The following CNTNAP2 variants were observed in gnomAD, a reference collection of about 807,000 sequenced individuals.
CNTNAP2 encodes contactin-associated protein-like 2.
CNTNAP2 carries 98 observed loss-of-function variants against 155.2 expected under a neutral mutation model. The observed-to-expected ratio is 0.63, with a 90% CI of 0.54 to 0.75. CNTNAP2 has a LOEUF of 0.75. Ranked by LOEUF, CNTNAP2 falls within the 30% of genes least tolerant of loss-of-function variation. The pLI is 0.00. For missense variants in CNTNAP2, 1,727 were observed against 1,688.1 expected, an observed-to-expected ratio of 1.02 and a Z score of -0.40; for synonymous variants, 651 against 631.2, an observed-to-expected ratio of 1.03 and a Z score of -0.47.
At chr7:147,325,953 T>C (rs773645309) in intron 9 of CNTNAP2, among the ~76,000 whole-genome samples, 12 of 152,156 alleles carry the variant, frequency 7.9e-5, no homozygotes, top group Non-Finnish European at 1.6e-4. Flanking sequence ...GACAGAGTCT[T>C]GCTCTGTAGC....
chr7:147,357,490 A>C (rs1029661456), intron 9 of CNTNAP2, among the ~76,000 whole-genome samples: 2 of 152,124 alleles, frequency 1.3e-5, no homozygotes, highest in African/African-American at 2.4e-5. Flanking sequence ...TCCTACATGC[A>C]GCAGCAGTCG....
chr7:146,934,437 G>C (rs1203299288), intron 3 of CNTNAP2, among the ~76,000 whole-genome samples: 2 of 124,248 alleles, frequency 1.6e-5, no homozygotes, highest in Admixed American at 2.0e-4. Context: ...TCCGTGGCCT[G>C]TTGTGGGGTG....
intron 12 of CNTNAP2, among the ~76,000 whole-genome samples, chr7:147,617,055 TCC>T (rs1801307163): frequency 2.0e-5 from 3 of 152,156 alleles, no homozygotes; most frequent in Non-Finnish European, 4.4e-5. Context: ...CTCATCCAGA[TCC>T]TTTATTTCCA....
At chr7:147,151,854 T>G (rs1479348529) in intron 8 of CNTNAP2, among the ~76,000 whole-genome samples, 3 of 152,290 alleles carry the variant, frequency 2.0e-5, no homozygotes, top group African/African-American at 7.2e-5. Context: ...AGCACAGAGC[T>G]GGGAAGAGCA....
chr7:146,971,675 C>T (rs552043335), intron 3 of CNTNAP2, among the ~76,000 whole-genome samples: 1 of 152,050 alleles, frequency 6.6e-6, no homozygotes, highest in Non-Finnish European at 1.5e-5. Context: ...CCTGTTGCAT[C>T]CTCATATGGG....
Position 146,606,210 on chromosome 7 carries a change from T to A in CNTNAP2, c.98-168061T>A, listed in dbSNP as rs138062475. Among the ~76,000 whole-genome samples, 1,003 of 152,256 alleles carry A rather than the reference T, an allele frequency of 6.6e-3. 12 individuals are homozygous for A. The highest frequency in any genetic ancestry group is 8.6e-3 in the Non-Finnish European group (583 of 68,004). ...GTGAATGAGTGTGATATCAGAATAA[T>A]TAGAATGAGTCATATTATAAATCCT... On this transcript the variant is annotated intron_variant, in intron 1 of 23. Coordinates refer to ENST00000361727, the MANE Select transcript of CNTNAP2 (RefSeq NM_014141.6).
At chr7:147,737,297 C>A (rs1035567448) in intron 13 of CNTNAP2, among the ~76,000 whole-genome samples, 7 of 152,160 alleles carry the variant, frequency 4.6e-5, no homozygotes, top group African/African-American at 1.4e-4. Context: ...ACTCCAGACC[C>A]TGTTTGCCTG....
At chr7:146,227,354 C>T (rs2539740) in intron 1 of CNTNAP2, among the ~76,000 whole-genome samples, 102,805 of 149,272 alleles carry the variant, frequency 0.69, 36,427 homozygotes, top group East Asian at 0.94. Flanking sequence ...GAACCCAGGA[C>T]GTGGAGGCTG....
intron 8 of CNTNAP2, among the ~76,000 whole-genome samples, chr7:147,189,195 T>C (rs964462943): frequency 6.6e-6 from 1 of 152,148 alleles, no homozygotes; most frequent in Admixed American, 6.5e-5. Context: ...AATTAGAAAA[T>C]CTAAAGGACA....
rs1795665002 is a variant in CNTNAP2 at position 148,217,481 on chromosome 7, C to T, written c.3204C>T (p.Ser1068=). 6.2e-7 allele frequency: 1 copy of T among 1,614,086 alleles called. No individual in the cohort carries two copies. The highest frequency in any genetic ancestry group is 1.3e-5 in the African/African-American group (1 of 74,936). ...CGCCCTGCATTCTCCTCTACATCAG[C>T]TCCTTCACCACAGACTTCTTGGCAG... ...TKAPCILLYI[S]SFTTDFLAVL... The change falls in exon 19 of 24, where the codon AGC becomes AGT. Residue 1068 remains serine (S), a synonymous_variant. Transcript: ENST00000361727.
intron 1 of CNTNAP2, among the ~76,000 whole-genome samples, chr7:146,480,711 CAG>C (rs1483316072): frequency 3.5e-5 from 4 of 114,080 alleles, no homozygotes; most frequent in Admixed American, 3.3e-4. Flanking sequence ...TTTTTTTAGA[CAG>C]AGTCTTGCTC....
intron 3 of CNTNAP2, among the ~76,000 whole-genome samples, chr7:146,889,805 C>A (rs1362392742): frequency 6.6e-6 from 1 of 152,126 alleles, no homozygotes; most frequent in Non-Finnish European, 1.5e-5. Context: ...CTGTCTTGAT[C>A]ATACTTTCTT....
At chr7:146,227,673 A>G (rs1799318890) in intron 1 of CNTNAP2, among the ~76,000 whole-genome samples, 1 of 152,188 alleles carries the variant, frequency 6.6e-6, no homozygotes, top group African/African-American at 2.4e-5. Flanking sequence ...AGTGCAGAGA[A>G]CAGGTGTAGA....
chr7:147,271,931 T>G (rs1202367184), intron 8 of CNTNAP2, among the ~76,000 whole-genome samples: 1 of 152,172 alleles, frequency 6.6e-6, no homozygotes, highest in East Asian at 1.9e-4. Context: ...TCACTCTTGT[T>G]GCCCAGGCTG....
At chr7:148,396,310 G>A (rs75139739) in intron 22 of CNTNAP2, among the ~76,000 whole-genome samples, 44 of 152,168 alleles carry the variant, frequency 2.9e-4, no homozygotes, top group South Asian at 1.5e-3. Context: ...TACCCCCAGC[G>A]ATCCCCCATT....
chr7:147,132,635 C>T (rs778952446), intron 8 of CNTNAP2, 126 bp downstream of exon 8: 61 of 1,280,236 alleles, frequency 4.8e-5, no homozygotes, highest in Middle Eastern at 2.1e-4. Flanking sequence ...ATCTTCAAGA[C>T]GCTTACTTGG....
At chr7:146,170,426 A>G (rs1269107684) in intron 1 of CNTNAP2, among the ~76,000 whole-genome samples, 5 of 152,042 alleles carry the variant, frequency 3.3e-5, no homozygotes, top group African/African-American at 7.2e-5. Context: ...TTTTCTTCAC[A>G]TGCTTGCCAA....
At chr7:147,366,781 GCA>G (rs71182194) in intron 9 of CNTNAP2, among the ~76,000 whole-genome samples, 3,925 of 105,794 alleles carry the variant, frequency 0.037, 133 homozygotes, top group African/African-American at 0.087. Flanking sequence ...TTTGTTGCAC[GCA>G]CACACACACA....
At chr7:146,567,905 A>G (rs889558513) in intron 1 of CNTNAP2, among the ~76,000 whole-genome samples, 2 of 152,196 alleles carry the variant, frequency 1.3e-5, no homozygotes, top group African/African-American at 4.8e-5. Flanking sequence ...TATTTTTAGT[A>G]GAGACGGGGT....
Sources: gnomAD v4.1 joint callset for allele counts (sites outside exome capture counted in the v4.1 genomes callset) on GRCh38, gnomAD v4.1.1 for gene constraint, MANE v1.5 for transcripts, NCBI Gene and HGNC (gene_info 2026-07-23, HGNC 2026-07-21) for gene names.